HYOU1: variants seen among roughly 807,000 people sequenced by gnomAD.
HYOU1 encodes the protein hypoxia up-regulated protein 1.
A neutral mutation model predicts 120.5 loss-of-function variants in HYOU1; 40 were observed. The observed-to-expected ratio is 0.33, with a 90% confidence interval of 0.26 to 0.43. HYOU1 has a LOEUF of 0.43. Among genes scored for constraint, HYOU1 ranks in the 20% least tolerant of loss-of-function variants. The pLI is 1.00. For synonymous variants in HYOU1, 501 were observed against 479.4 expected, an observed-to-expected ratio of 1.05 and a Z score of -0.59; for missense variants, 1,085 against 1,278.3, an observed-to-expected ratio of 0.85 and a Z score of 2.31.
chr11:119,056,172 G>A lies in HYOU1; in HGVS notation c.-7-5C>T. ...ACTTTGTCTGCCATAGTGCCCCTGG[G>A]GGAGGCGAAGAAAGAAAACACTTAA... On this transcript the variant is annotated splice_region_variant and splice_polypyrimidine_tract_variant and intron_variant, in intron 1 of 25. Transcript: ENST00000617285. 1 of 1,607,766 alleles carries A rather than the reference G, an allele frequency of 6.2e-7. No homozygotes were observed. Among genetic ancestry groups the A allele is most frequent in the Non-Finnish European group, 8.5e-7 (1 of 1,175,190 alleles).
Position 119,045,471 on chromosome 11 carries a change from CAG to C in HYOU1, c.*120_*121del. The C allele has an allele frequency of 1.2e-6, 1 of 864,494 alleles. No homozygotes were observed. Among genetic ancestry groups the C allele is most frequent in the Non-Finnish European group, 2.0e-6 (1 of 505,184 alleles). 53.6% of individuals were successfully genotyped at this position (864,494 alleles called of 1,614,324 possible). On this transcript the variant is annotated 3_prime_UTR_variant, in exon 26 of 26. Transcript: ENST00000617285. ...TCCCCTTCTCCACACCTCCAAATCA[CAG>C]GGGTGAGAAAGGAACTCCAGCCGAG...
chr11:119,056,542 T>C (rs1944779585), intron 1 of HYOU1: 2 of 374,756 alleles, frequency 5.3e-6, no homozygotes, highest in Non-Finnish European at 1.0e-5. Context: ...CGCCCAGGGC[T>C]CAACCACCTC....
intron 2 of HYOU1, 29 bp downstream of exon 2, chr11:119,056,041 C>G (rs1944734409): frequency 6.3e-7 from 1 of 1,581,380 alleles, no homozygotes; most frequent in South Asian, 1.1e-5. Flanking sequence ...CATCATTTAT[C>G]CATTTGCTCC....
At position 119,044,346 on chromosome 11, in the gene HYOU1, T is replaced by A. The variant is rs1943951896; in HGVS notation, c.*1247A>T. 1.4e-5 allele frequency: 2 copies of A among 146,830 alleles called. No homozygotes were observed. Among genetic ancestry groups the A allele is most frequent in the Non-Finnish European group, 3.0e-5 (2 of 66,880 alleles). 9.1% of individuals were successfully genotyped at this position (146,830 alleles called of 1,614,324 possible). The stretch of plus-strand genomic sequence containing the variant: ...TGAGGGGTGGGACCCTTAGGTCCCA[T>A]CTCTGCCAATGTGGCAAAAAAAAAA... On this transcript the variant is annotated 3_prime_UTR_variant, in exon 26 of 26. Transcript: ENST00000617285.
Position 119,056,078 on chromosome 11 carries a change from G to A in HYOU1, c.83C>T (p.Ala28Val). The A allele has an allele frequency of 2.5e-6, 4 of 1,613,696 alleles. No individual in the cohort carries two copies. The highest frequency in any genetic ancestry group is 3.4e-6 in the Non-Finnish European group (4 of 1,179,670). ...TCTACTGGGGTACATACCACTCAGT[G>A]CCAACAGGTCTGCCAAGAGCACAGC... ...LVAVLLADLL[A>V]LSDTLAVMSV... The change falls in exon 2 of 26, where the codon GCA (alanine) becomes GTA (valine). Residue 28 changes from alanine (A) to valine (V), a missense_variant. This residue lies in a region of HYOU1 where 45 missense variants were observed against 49.2 expected (regional missense o/e 0.91). Transcript: ENST00000617285.
rs1457541825 is a variant in HYOU1 at position 119,054,728 on chromosome 11, C to G, written c.497-53G>C. On this transcript the variant is annotated intron_variant, in intron 6 of 25. Transcript: ENST00000617285. ...GCCGGCTCCATACCTTAGATGAGGG[C>G]TTCTAATCTGGTCACTAATGACATT... 14 of 1,539,884 alleles carry G rather than the reference C, an allele frequency of 9.1e-6. No individual in the cohort carries two copies. The African/African-American group carries it at 1.5e-4, about 16-fold the overall frequency.
Position 119,052,742 on chromosome 11 carries a change from C to G in HYOU1, c.882G>C (p.Gln294His). ...AGLFNEQRKG[Q>H]RAKDVRENPR... ...GGTTCTCCCGCACATCCTTTGCTCTCTGACCCTTGCGCTGCTCATTGAAAA... is the reference window on the plus strand; with the variant it reads ...GGTTCTCCCGCACATCCTTTGCTCTGTGACCCTTGCGCTGCTCATTGAAAA... The change falls in exon 9 of 26, where the codon CAG becomes CAC. Residue 294 changes from glutamine to histidine, a missense_variant. This residue lies in a region of HYOU1 where 515 missense variants were observed against 677.8 expected (regional missense o/e 0.76). Transcript: ENST00000617285. The surrounding 1 kb of genome is among the most constrained non-coding windows in gnomAD (Gnocchi z 5.0). 6.2e-7 allele frequency: 1 copy of G among 1,614,246 alleles called. No homozygotes were observed. The highest frequency in any genetic ancestry group is 8.5e-7 in the Non-Finnish European group (1 of 1,180,042).
intron 21 of HYOU1, 59 bp downstream of exon 21, chr11:119,047,888 G>A: frequency 6.2e-7 from 1 of 1,613,504 alleles, no homozygotes; most frequent in South Asian, 1.1e-5. Flanking sequence ...TGGGAAGCTG[G>A]TAGGAATGAA....
In HYOU1 at chr11:119,045,250, C is replaced by T; in HGVS notation, c.*343G>A. 5 of 496,852 alleles carry T rather than the reference C, an allele frequency of 1.0e-5. No homozygotes were observed. The highest frequency in any genetic ancestry group is 7.8e-5 in the South Asian group (5 of 64,468). 30.8% of individuals were successfully genotyped at this position (496,852 alleles called of 1,614,324 possible). On this transcript the variant is annotated 3_prime_UTR_variant, in exon 26 of 26. Transcript: ENST00000617285. ...ACTCCCCAGCAACCTGATACCCTTC[C>T]CATCACCGGGACCCATCAGCCACTG...
In HYOU1 at chr11:119,051,017, GTA is replaced by G; in HGVS notation, c.1665+16_1665+17del. On this transcript the variant is annotated intron_variant, in intron 14 of 25. Coordinates refer to ENST00000617285, the MANE Select transcript of HYOU1 (RefSeq NM_006389.5). The surrounding 1 kb of genome is among the most constrained non-coding windows in gnomAD (Gnocchi z 4.2). ...CCTGAGCCCCTGCTCTGCACACAGG[GTA>G]TCCTTTAGCTCTCACCCTGTCTAGA... 6.2e-7 allele frequency: 1 copy of G among 1,614,056 alleles called. No individual in the cohort carries two copies. The highest frequency in any genetic ancestry group is 8.5e-7 in the Non-Finnish European group (1 of 1,179,952).
chr11:119,056,466 G>A (rs527279830), intron 1 of HYOU1: 2 of 478,814 alleles, frequency 4.2e-6, no homozygotes, highest in African/African-American at 3.9e-5. Context: ...CCACCACACA[G>A]GCAGTGAGTG....
intron 7 of HYOU1, 113 bp from the exon 8 acceptor site, chr11:119,054,349 G>T: frequency 8.4e-7 from 1 of 1,187,430 alleles, no homozygotes; most frequent in Non-Finnish European, 1.2e-6. Context: ...AAACTAAACA[G>T]CTCCAACAGG....
chr11:119,051,811 T>G lies in HYOU1; in HGVS notation c.1338+8A>C. 6.2e-7 allele frequency: 1 copy of G among 1,614,058 alleles called. No individual in the cohort carries two copies. Among genetic ancestry groups the G allele is most frequent in the South Asian group, 1.1e-5 (1 of 91,080 alleles). ...GAGCTTGTCACCTGCTCAGTCAGGC[T>G]CACTCACCAGGATGGGGTAGACCAC... On this transcript the variant is annotated splice_region_variant and intron_variant, in intron 12 of 25. Coordinates refer to ENST00000617285, the MANE Select transcript of HYOU1 (RefSeq NM_006389.5). This position sits in a 1 kb window ranked among gnomAD's most constrained non-coding sequence, Gnocchi z 4.2.
intron 22 of HYOU1, 35 bp from the exon 23 acceptor site, chr11:119,046,837 C>G (rs2133553762): frequency 1.9e-5 from 30 of 1,593,354 alleles, no homozygotes; most frequent in Non-Finnish European, 2.4e-5. Context: ...CCAAGCTAGC[C>G]ATGGAGAGAG....
rs2133589414 is a variant in HYOU1 at position 119,051,983 on chromosome 11, C to A, written c.1206-32G>T. On this transcript the variant is annotated intron_variant, in intron 11 of 25. Transcript: ENST00000617285. This position sits in a 1 kb window ranked among gnomAD's most constrained non-coding sequence, Gnocchi z 4.2. Reference sequence around the variant, plus strand: ...AAGCCCCAAGCCTCAGCACGGTCTACCCTGGAGCATGCAACCGGGACTTCC... The same window carrying A: ...AAGCCCCAAGCCTCAGCACGGTCTAACCTGGAGCATGCAACCGGGACTTCC... 3.7e-6 allele frequency: 6 copies of A among 1,613,552 alleles called. No individual in the cohort carries two copies. In the Admixed American group the frequency reaches 6.7e-5, roughly 18 times the overall value.
intron 8 of HYOU1, chr11:119,053,057 T>C: frequency 2.0e-6 from 1 of 506,752 alleles, no homozygotes; most frequent in Non-Finnish European, 3.5e-6. Context: ...TTACTGAGCA[T>C]TACTTATGTA....
chr11:119,047,256 C>T lies in HYOU1; in HGVS notation c.2596-454G>A, dbSNP rs189670555. On this transcript the variant is annotated intron_variant, in intron 22 of 25. Transcript: ENST00000617285. ...TAGAGACGGGGTTTCACCATGTTGACCAGGATGGTCTCAATCTCTTGACCT... is the reference window on the plus strand; with the variant it reads ...TAGAGACGGGGTTTCACCATGTTGATCAGGATGGTCTCAATCTCTTGACCT... The T allele has an allele frequency of 1.6e-3, 311 of 196,558 alleles. 4 individuals carry two copies. The Middle Eastern group carries it at 0.018, about 12-fold the overall frequency. 12.2% of individuals were successfully genotyped at this position (196,558 alleles called of 1,614,324 possible). A position where few individuals can be genotyped will look rare whatever the true frequency, so the allele number is the denominator to read the frequency against.
rs2133558020 is a variant in HYOU1, at chr11:119,047,761, C to T, written c.2568G>A (p.Thr856=). The change falls in exon 22 of 26, where the codon ACG becomes ACA. Residue 856 remains threonine, a synonymous_variant. Transcript: ENST00000617285. ...AGGTCTCATTGATGACTTTCTCTAA[C>T]GTTGTCATCTCCACCTCAGTGAAGA... The part of the protein sequence containing the change: ...DQIFTEVEMT[T]LEKVINETWA... 2.2e-5 allele frequency: 35 copies of T among 1,613,878 alleles called. No homozygotes were observed. In the African/African-American group the frequency reaches 3.6e-4, roughly 17 times the overall value.
In HYOU1 at chr11:119,051,499, G is replaced by A. The variant is rs1277394981; in HGVS notation, c.1465C>T (p.His489Tyr). 43 of 1,614,158 alleles carry A rather than the reference G, an allele frequency of 2.7e-5. No homozygotes were observed. The highest frequency in any genetic ancestry group is 3.3e-5 in the Non-Finnish European group (39 of 1,180,024). Residue 489 changes from histidine (H) to tyrosine (Y), a missense_variant, in exon 13 of 26, where the codon CAT (histidine) becomes TAT (tyrosine). Transcript: ENST00000617285. The surrounding 1 kb of genome is among the most constrained non-coding windows in gnomAD (Gnocchi z 4.2). ...TAGTTGATGTGGAAGTTGAAATCAT[G>A]GCTGTAGCGGTTAAAGGTGATGACT... ...RKVITFNRYSHDFNFHINYGD... is the reference protein window; with the variant it reads ...RKVITFNRYSYDFNFHINYGD...
Sources: gnomAD v4.1 joint callset for allele counts on GRCh38, gnomAD v4.1.1 for gene constraint, gnomAD v4.1.1 regional missense constraint, Gnocchi (gnomAD v3.1) non-coding constraint, MANE v1.5 for transcripts, NCBI Gene and HGNC (gene_info 2026-07-23, HGNC 2026-07-21) for gene names.